Variants in DLG2 observed in about 807,000 individuals in gnomAD.
DLG2 encodes discs large MAGUK scaffold protein 2.
In DLG2, 45 loss-of-function variants were observed where a neutral mutation model predicts 132.5. The ratio of observed to expected loss-of-function variants is 0.34; its 90% CI spans 0.27 to 0.44. The LOEUF (loss-of-function observed/expected upper bound fraction) is 0.44. Ranked by LOEUF, DLG2 falls within the 20% of genes least tolerant of loss-of-function variation. The pLI, the probability that DLG2 is intolerant of heterozygous loss-of-function variation, is 1.00. For synonymous variants in DLG2, 424 were observed against 419.6 expected, an observed-to-expected ratio of 1.01 and a Z score of -0.13; for missense variants, 1,045 against 1,196.9, an observed-to-expected ratio of 0.87 and a Z score of 1.87.
chr11:85,590,140 A>G (rs191624900), intron 3 of DLG2, among the ~76,000 whole-genome samples: 1 of 152,274 alleles, frequency 6.6e-6, no homozygotes, highest in East Asian at 1.9e-4. Context: ...TCTCATCACT[A>G]AAACCCCAGA....
intron 15 of DLG2, among the ~76,000 whole-genome samples, chr11:83,901,356 T>G (rs1041209918): frequency 1.3e-5 from 2 of 152,148 alleles, no homozygotes; most frequent in African/African-American, 4.8e-5. Flanking sequence ...ATGATATGGT[T>G]TGACTCCGTG....
intron 7 of DLG2, among the ~76,000 whole-genome samples, chr11:84,253,659 G>T (rs375518170): frequency 2.0e-5 from 3 of 152,050 alleles, no homozygotes; most frequent in African/African-American, 7.2e-5. Flanking sequence ...TATTAAGTAT[G>T]TATTACCATT....
chr11:85,134,558 A>G (rs2076018476), intron 5 of DLG2, among the ~76,000 whole-genome samples: 1 of 147,910 alleles, frequency 6.8e-6, no homozygotes, highest in African/African-American at 2.5e-5. Flanking sequence ...AAAAAAGTAT[A>G]CTTTCTATGA....
chr11:85,283,387 AT>A (rs576821075), intron 4 of DLG2, among the ~76,000 whole-genome samples: 253 of 151,920 alleles, frequency 1.7e-3, no homozygotes, highest in African/African-American at 5.8e-3. Context: ...AGAAGAAAGA[AT>A]TTTTTAAAAA....
At chr11:84,370,799 G>A (rs1426920338) in intron 7 of DLG2, among the ~76,000 whole-genome samples, 1 of 152,124 alleles carries the variant, frequency 6.6e-6, no homozygotes, top group Non-Finnish European at 1.5e-5. Context: ...TAGGGAGTAG[G>A]TTCCTGAGCC....
chr11:85,310,449 G>A (rs898409623), intron 3 of DLG2, among the ~76,000 whole-genome samples: 3 of 152,192 alleles, frequency 2.0e-5, no homozygotes, highest in Admixed American at 1.3e-4. Flanking sequence ...CCAAAGCTAC[G>A]CCCCAATCCT....
chr11:84,687,316 T>C (rs2099739021), intron 6 of DLG2: 1 of 152,152 alleles, frequency 6.6e-6, no homozygotes, highest in South Asian at 2.1e-4. Context: ...TACAGGGTTG[T>C]TGTGGAGATT....
chr11:85,117,755 A>G (rs935421485), intron 5 of DLG2, among the ~76,000 whole-genome samples: 2 of 151,928 alleles, frequency 1.3e-5, no homozygotes, highest in African/African-American at 4.8e-5. Flanking sequence ...AGAATCTTTC[A>G]TCTGGAATGT....
intron 22 of DLG2, among the ~76,000 whole-genome samples, chr11:83,477,804 C>G (rs2092739453): frequency 1.3e-5 from 2 of 151,930 alleles, no homozygotes; most frequent in Non-Finnish European, 1.5e-5. Context: ...CAGGAATGCA[C>G]TAGAAAAATG....
chr11:84,429,435 T>A (rs1242295774), intron 7 of DLG2, among the ~76,000 whole-genome samples: 2 of 152,158 alleles, frequency 1.3e-5, no homozygotes, highest in Non-Finnish European at 2.9e-5. Context: ...CCTACTGACC[T>A]CTAATCTGGT....
chr11:83,533,393 T>C lies in DLG2; in HGVS notation c.2118-610A>G, dbSNP rs573254025. Among the ~76,000 whole-genome samples, 20 of 152,308 alleles carry C rather than the reference T, an allele frequency of 1.3e-4. No homozygotes were observed. In the East Asian group the frequency reaches 3.7e-3, roughly 28 times the overall value. On this transcript the variant is annotated intron_variant, in intron 20 of 27. Transcript: ENST00000376104. ...GGAGCTGGGGGACAAAGAAAAAATA[T>C]TCTAAAAGCATGACTGCAATGAATT...
intron 4 of DLG2, among the ~76,000 whole-genome samples, chr11:85,196,620 G>A (rs1405724745): frequency 6.6e-6 from 1 of 152,186 alleles, no homozygotes; most frequent in Non-Finnish European, 1.5e-5. Context: ...ATTACAAGTT[G>A]GCCTTAGCAC....
Position 83,522,812 on chromosome 11 carries a change from CCCCT to C in DLG2, c.2193+9892_2193+9895del, listed in dbSNP as rs199934408. 4.7e-3 allele frequency among the ~76,000 whole-genome samples: 637 copies of C among 136,176 alleles called. 9 individuals are homozygous for C. The highest frequency in any genetic ancestry group is 7.9e-3 in the Non-Finnish European group (493 of 62,058). 89.3% of individuals were successfully genotyped at this position (136,176 alleles called of 152,430 possible). A position where few individuals can be genotyped will look rare whatever the true frequency, so the allele number is the denominator to read the frequency against. ...GATAGTCTAATTTTAGAGCCCCCCC[CCCCT>C]TTTTTTTTTAATCAAAATGCAAGGT... On this transcript the variant is annotated intron_variant, in intron 21 of 27. Transcript: ENST00000376104.
At chr11:85,124,469 T>C (rs1453307365) in intron 5 of DLG2, among the ~76,000 whole-genome samples, 2 of 152,236 alleles carry the variant, frequency 1.3e-5, no homozygotes, top group Non-Finnish European at 2.9e-5. Flanking sequence ...TTCTGTACAA[T>C]AATCCTGTTC....
intron 21 of DLG2, among the ~76,000 whole-genome samples, chr11:83,526,837 T>G (rs562847918): frequency 6.6e-6 from 1 of 152,240 alleles, no homozygotes; most frequent in South Asian, 2.1e-4. Flanking sequence ...GCCCCCTAAT[T>G]CAAGCTGGAA....
chr11:83,467,771 GTATATATATATATATATATATATATA>G (rs1192401405), intron 25 of DLG2, among the ~76,000 whole-genome samples: 4 of 85,060 alleles, frequency 4.7e-5, no homozygotes, highest in Non-Finnish European at 6.8e-5. Context: ...AAAACTATAT[GTATATATATATATATATATATATATA>G]TATATATATA....
At chr11:84,502,255 C>T (rs866686714) in intron 7 of DLG2, among the ~76,000 whole-genome samples, 10 of 35,892 alleles carry the variant, frequency 2.8e-4, no homozygotes, top group South Asian at 3.0e-3. Flanking sequence ...TCCTTCCTTC[C>T]TTCCTTCCTT....
chr11:83,903,291 C>T (rs542811769), intron 15 of DLG2, among the ~76,000 whole-genome samples: 4 of 151,886 alleles, frequency 2.6e-5, no homozygotes, highest in Admixed American at 6.6e-5. Context: ...AATATGAGTA[C>T]TAATCTAAAA....
intron 7 of DLG2, among the ~76,000 whole-genome samples, chr11:84,477,419 C>T (rs190019133): frequency 2.6e-5 from 4 of 152,122 alleles, no homozygotes; most frequent in Admixed American, 6.6e-5. Flanking sequence ...TGCTTGAACC[C>T]AGGAGGCAGA....
Sources: allele counts gnomAD v4.1 joint callset (sites outside exome capture counted in the v4.1 genomes callset), GRCh38; gene constraint gnomAD v4.1.1; transcripts MANE v1.5; gene names NCBI Gene and HGNC (gene_info 2026-07-23, HGNC 2026-07-21).